The following PHF14 variants were observed in gnomAD, a reference collection of about 807,000 sequenced individuals.
PHF14 encodes PHD finger protein 14.
A neutral mutation model predicts 117.9 loss-of-function variants in PHF14; 55 were observed. That is an observed-to-expected ratio of 0.47 (90% CI 0.38 to 0.58). The LOEUF (loss-of-function observed/expected upper bound fraction) is 0.58, where lower values mean the gene tolerates loss of function less well. Among genes scored for constraint, PHF14 ranks in the 20% least tolerant of loss-of-function variants. The probability of loss-of-function intolerance (pLI) is 0.00; values close to 1 mark genes in which losing one functional copy is unlikely to be tolerated. For missense variants in PHF14, 978 were observed against 1,122.2 expected, an observed-to-expected ratio of 0.87 and a Z score of 1.84; for synonymous variants, 409 against 368.6, an observed-to-expected ratio of 1.11 and a Z score of -1.26.
In PHF14 at chr7:11,006,437, TG is replaced by T. The variant is rs1583355917; in HGVS notation, c.1046-7309del. 4 of 530,660 alleles carry T rather than the reference TG, an allele frequency of 7.5e-6. No individual in the cohort carries two copies. In the East Asian group the frequency reaches 2.1e-4, roughly 27 times the overall value. 32.9% of individuals were successfully genotyped at this position (530,660 alleles called of 1,614,324 possible). A position where few individuals can be genotyped will look rare whatever the true frequency, so the allele number is the denominator to read the frequency against. On this transcript the variant is annotated intron_variant, in intron 4 of 17. Coordinates refer to ENST00000634607, the MANE Select transcript of PHF14 (RefSeq NM_001007157.2). ...ATTTTGTTGGCAAGATTCAAAGCAT[TG>T]TAATCAGGAGCCAGTCGAACATATG... is the stretch of plus-strand genomic sequence containing the variant.
intron 17 of PHF14, among the ~76,000 whole-genome samples, chr7:11,119,590 C>T (rs962218514): frequency 1.3e-5 from 2 of 151,616 alleles, no homozygotes; most frequent in Non-Finnish European, 3.0e-5. Context: ...TAAATCCTGG[C>T]TTCAAAAAAA....
At chr7:11,143,347 C>G (rs935265300) in intron 17 of PHF14, among the ~76,000 whole-genome samples, 2 of 151,994 alleles carry the variant, frequency 1.3e-5, no homozygotes, top group Non-Finnish European at 2.9e-5. Flanking sequence ...TCTCAAGCCC[C>G]TGGGGTCAAG....
At chr7:11,033,532 A>AG (rs1393641063) in intron 7 of PHF14, among the ~76,000 whole-genome samples, 1 of 152,170 alleles carries the variant, frequency 6.6e-6, no homozygotes, top group Non-Finnish European at 1.5e-5. Flanking sequence ...AGCTGTGGGG[A>AG]GGCTGGATCA....
chr7:11,138,765 A>G (rs982494087), intron 17 of PHF14, among the ~76,000 whole-genome samples: 3 of 152,154 alleles, frequency 2.0e-5, no homozygotes, highest in Non-Finnish European at 4.4e-5. Context: ...TGTATTTTTA[A>G]TTGTATTTTC....
chr7:11,089,123 G>T (rs1033496098), intron 16 of PHF14, among the ~76,000 whole-genome samples: 2 of 150,832 alleles, frequency 1.3e-5, no homozygotes, highest in Admixed American at 6.6e-5. Flanking sequence ...GCCCTGATCA[G>T]TTAACCGCAG....
At chr7:11,083,508 G>C (rs918909311) in intron 16 of PHF14, among the ~76,000 whole-genome samples, 40 of 129,890 alleles carry the variant, frequency 3.1e-4, no homozygotes, top group South Asian at 7.1e-4. Flanking sequence ...TTGCTCTGTC[G>C]CCCAGGCTGC....
intron 16 of PHF14, among the ~76,000 whole-genome samples, chr7:11,095,510 G>A (rs1468909535): frequency 1.3e-5 from 2 of 152,100 alleles, no homozygotes; most frequent in Non-Finnish European, 2.9e-5. Flanking sequence ...TGAGAGTCAA[G>A]GGCATTTCGT....
intron 16 of PHF14, among the ~76,000 whole-genome samples, chr7:11,090,524 A>G (rs1786603155): frequency 6.6e-6 from 1 of 152,200 alleles, no homozygotes; most frequent in Admixed American, 6.5e-5. Context: ...TTGTTGTGAC[A>G]TGGTCTGTAA....
intron 16 of PHF14, among the ~76,000 whole-genome samples, chr7:11,076,427 A>G (rs974215143): frequency 2.6e-5 from 4 of 151,794 alleles, no homozygotes; most frequent in South Asian, 2.1e-4. Context: ...ATTTAATATT[A>G]TTTTTTTAAA....
intron 17 of PHF14, among the ~76,000 whole-genome samples, chr7:11,132,044 A>G (rs535425396): frequency 3.9e-4 from 60 of 151,926 alleles, no homozygotes; most frequent in African/African-American, 1.4e-3. Context: ...AAGTTACTAT[A>G]GTTCAAGTTA....
chr7:11,054,302 C>G (rs889887981), intron 14 of PHF14, among the ~76,000 whole-genome samples: 2 of 152,106 alleles, frequency 1.3e-5, no homozygotes, highest in African/African-American at 2.4e-5. Flanking sequence ...AGGGGTTTGA[C>G]TAAGCAGATT....
At chr7:11,019,702 G>A (rs1394016626) in intron 5 of PHF14, among the ~76,000 whole-genome samples, 2 of 151,898 alleles carry the variant, frequency 1.3e-5, no homozygotes, top group East Asian at 3.8e-4. Context: ...TTGTTTCATT[G>A]ATCTTTTGTA....
intron 16 of PHF14, among the ~76,000 whole-genome samples, chr7:11,075,357 C>G (rs947894090): frequency 6.6e-6 from 1 of 152,058 alleles, no homozygotes; most frequent in Non-Finnish European, 1.5e-5. Context: ...GTTTATTTGG[C>G]CCACGGATCT....
rs112136682 is a variant in PHF14 at position 11,009,788 on chromosome 7, A to G, written c.1046-3959A>G. Among the ~76,000 whole-genome samples, 52 of 152,346 alleles carry G rather than the reference A, an allele frequency of 3.4e-4. 2 individuals are homozygous for G. The highest frequency in any genetic ancestry group is 1.2e-3 in the African/African-American group (50 of 41,586). On this transcript the variant is annotated intron_variant, in intron 4 of 17. Coordinates refer to ENST00000634607, the MANE Select transcript of PHF14 (RefSeq NM_001007157.2). Reference sequence around the variant, plus strand: ...CAGGGACAGTGAAGCTGAAGAAAAAATACATACAGACTTGCTGGTTGTTCT... The same window carrying G: ...CAGGGACAGTGAAGCTGAAGAAAAAGTACATACAGACTTGCTGGTTGTTCT...
intron 4 of PHF14, among the ~76,000 whole-genome samples, chr7:11,004,545 A>G (rs975529997): frequency 1.3e-5 from 2 of 152,106 alleles, no homozygotes; most frequent in African/African-American, 4.8e-5. Flanking sequence ...CCATTAATCT[A>G]GAACAATTTT....
intron 17 of PHF14, among the ~76,000 whole-genome samples, chr7:11,153,230 G>T (rs1788749820): frequency 1.3e-5 from 2 of 152,102 alleles, no homozygotes; most frequent in South Asian, 4.1e-4. Flanking sequence ...TGGTAGCAGT[G>T]GAGATAGAAA....
Position 11,100,830 on chromosome 7 carries a change from G to A in PHF14, c.2655-10520G>A, listed in dbSNP as rs560382812. ...AACCATACAGTTCATGCACTAATTAGGCATACTGCCTCACCGCACTACACT... is the reference window on the plus strand; with the variant it reads ...AACCATACAGTTCATGCACTAATTAAGCATACTGCCTCACCGCACTACACT... On this transcript the variant is annotated intron_variant, in intron 16 of 17. Transcript: ENST00000634607. 6.6e-5 allele frequency among the ~76,000 whole-genome samples: 10 copies of A among 151,966 alleles called. No homozygotes were observed. In the South Asian group the frequency reaches 1.9e-3, roughly 28 times the overall value.
intron 17 of PHF14, among the ~76,000 whole-genome samples, chr7:11,137,512 T>A (rs1177206387): frequency 6.6e-6 from 1 of 152,088 alleles, no homozygotes; most frequent in Non-Finnish European, 1.5e-5. Flanking sequence ...ATGGTTTTTT[T>A]AAAACTTGAT....
intron 17 of PHF14, among the ~76,000 whole-genome samples, chr7:11,122,406 T>C (rs1261790644): frequency 0.011 from 1,308 of 122,148 alleles, 8 homozygotes; most frequent in Non-Finnish European, 0.018. Context: ...CACATATATA[T>C]ATACACGTAT....
Sources: gnomAD v4.1 joint callset for allele counts (sites outside exome capture counted in the v4.1 genomes callset) on GRCh38, gnomAD v4.1.1 for gene constraint, MANE v1.5 for transcripts, NCBI Gene and HGNC (gene_info 2026-07-23, HGNC 2026-07-21) for gene names.